The following NTN3 variants were observed in gnomAD, a reference collection of about 807,000 sequenced individuals.
NTN3 encodes the protein netrin-3.
A neutral mutation model predicts 37.2 loss-of-function variants in NTN3; 44 were observed. That is an observed-to-expected ratio of 1.18 (90% CI 0.93 to 1.52). The LOEUF is 1.52. Among genes scored for constraint, NTN3 ranks in the 40% most tolerant of loss-of-function variants. The pLI is 0.00. For missense variants in NTN3, 882 were observed against 857.3 expected, an observed-to-expected ratio of 1.03 and a Z score of -0.36; for synonymous variants, 385 against 376.0, an observed-to-expected ratio of 1.02 and a Z score of -0.28.
chr16:2,473,525 G>A (rs1210411468), intron 5 of NTN3, 22 bp downstream of exon 5: 3 of 1,606,760 alleles, frequency 1.9e-6, no homozygotes, highest in East Asian at 4.5e-5. Context: ...CAGGCCTCCC[G>A]CGGACCTTCC....
chr16:2,472,086 C>T lies in NTN3; in HGVS notation c.385C>T (p.Pro129Ser). The change falls in exon 1 of 6, where the codon CCA (proline) becomes TCA (serine). Residue 129 changes from proline to serine, a missense_variant. By Grantham distance (74) the Pro-to-Ser change is moderately conservative. Coordinates refer to ENST00000293973, the MANE Select transcript of NTN3 (RefSeq NM_006181.3). ...FVSLRFCSAPPASVALLKSQD... is the reference protein window; with the variant it reads ...FVSLRFCSAPSASVALLKSQD... ...GAGCCTGCGCTTCTGCTCAGCTCCC[C>T]CAGCCTCCGTGGCCCTGCTCAAGTC... is the stretch of plus-strand genomic sequence containing the variant. The T allele has an allele frequency of 2.5e-6, 4 of 1,606,518 alleles. No individual in the cohort carries two copies. The highest frequency in any genetic ancestry group is 3.4e-6 in the Non-Finnish European group (4 of 1,177,272).
Position 2,471,816 on chromosome 16 carries a change from G to C in NTN3, c.115G>C (p.Gly39Arg), listed in dbSNP as rs898116607. ...PCHDEGGAPRGCVPGLVNAAL... is the reference protein window; with the variant it reads ...PCHDEGGAPRRCVPGLVNAAL... The stretch of plus-strand genomic sequence containing the variant: ...CCACGATGAGGGGGGTGCGCCCCGC[G>C]GCTGCGTGCCAGGACTGGTGAACGC... The change falls in exon 1 of 6, where the codon GGC becomes CGC. Residue 39 changes from glycine to arginine, a missense_variant. Coordinates refer to ENST00000293973, the MANE Select transcript of NTN3 (RefSeq NM_006181.3). The C allele has an allele frequency of 7.2e-7, 1 of 1,391,570 alleles. No individual in the cohort carries two copies. The highest frequency in any genetic ancestry group is 9.2e-7 in the Non-Finnish European group (1 of 1,081,670). 86.2% of individuals were successfully genotyped at this position (1,391,570 alleles called of 1,614,324 possible). A position where few individuals can be genotyped will look rare whatever the true frequency, so the allele number is the denominator to read the frequency against.
rs942102439 is a variant in NTN3 at position 2,472,001 on chromosome 16, G to C, written c.300G>C (p.Arg100=). ...PLCWRSESLP[R]APLNVTLTVP... is the part of the protein sequence containing the mutation. ...GCTGGCGCTCGGAGTCCCTGCCTCGGGCGCCCCTCAACGTGACTCTCACGG... is the reference window on the plus strand; with the variant it reads ...GCTGGCGCTCGGAGTCCCTGCCTCGCGCGCCCCTCAACGTGACTCTCACGG... Residue 100 remains arginine, a synonymous_variant, in exon 1 of 6, where the codon CGG becomes CGC. Transcript: ENST00000293973. The C allele has an allele frequency of 6.2e-7, 1 of 1,603,514 alleles. No individual in the cohort carries two copies. The highest frequency in any genetic ancestry group is 8.5e-7 in the Non-Finnish European group (1 of 1,179,058).
At position 2,472,440 on chromosome 16, in the gene NTN3, A is replaced by G; in HGVS notation, c.739A>G (p.Thr247Ala). The change falls in exon 1 of 6, where the codon ACC becomes GCC. Residue 247 changes from threonine to alanine, a missense_variant. Thr to Ala is a moderately conservative substitution (Grantham distance 58). Coordinates refer to ENST00000293973, the MANE Select transcript of NTN3 (RefSeq NM_006181.3). ...EAVVPYSYAA[T>A]DLQVGGRCKC... Reference sequence around the variant, plus strand: ...CGTCGTCCCTTACTCCTACGCAGCCACCGACCTCCAGGTGGGCGGGCGCTG... The same window carrying G: ...CGTCGTCCCTTACTCCTACGCAGCCGCCGACCTCCAGGTGGGCGGGCGCTG... 1 of 1,596,656 alleles carries G rather than the reference A, an allele frequency of 6.3e-7. No homozygotes were observed. Among genetic ancestry groups the G allele is most frequent in the Non-Finnish European group, 8.6e-7 (1 of 1,164,576 alleles).
chr16:2,471,617 T>G lies in NTN3; in HGVS notation c.-85T>G. 9.3e-7 allele frequency: 1 copy of G among 1,070,134 alleles called. No homozygotes were observed. 66.3% of individuals were successfully genotyped at this position (1,070,134 alleles called of 1,614,324 possible). On this transcript the variant is annotated 5_prime_UTR_variant, in exon 1 of 6. Coordinates refer to ENST00000293973, the MANE Select transcript of NTN3 (RefSeq NM_006181.3). ...CTGTTCCTCGGCATTGCGGGCCTGG[T>G]GGGCAGAGCCGCGGAGAGGGCTTCT...
chr16:2,472,050 C>T lies in NTN3; in HGVS notation c.349C>T (p.Leu117=), dbSNP rs1208278860. 1.2e-6 allele frequency: 2 copies of T among 1,609,094 alleles called. No homozygotes were observed. The highest frequency in any genetic ancestry group is 8.5e-7 in the Non-Finnish European group (1 of 1,179,332). The part of the protein sequence containing the change: ...LTVPLGKAFE[L]VFVSLRFCSA... ...GGTGCCCCTGGGCAAGGCTTTTGAG[C>T]TGGTCTTCGTGAGCCTGCGCTTCTG... Residue 117 remains leucine (L), a synonymous_variant, in exon 1 of 6, where the codon CTG becomes TTG. Coordinates refer to ENST00000293973, the MANE Select transcript of NTN3 (RefSeq NM_006181.3).
chr16:2,471,709 G>A lies in NTN3; in HGVS notation c.8G>A (p.Gly3Asp). The A allele has an allele frequency of 2.2e-6, 3 of 1,346,028 alleles. No homozygotes were observed. The highest frequency in any genetic ancestry group is 3.9e-5 in the Admixed American group (1 of 25,456). 83.4% of individuals were successfully genotyped at this position (1,346,028 alleles called of 1,614,324 possible). The change falls in exon 1 of 6, where the codon GGC becomes GAC. Residue 3 changes from glycine to aspartate, a missense_variant. Physicochemically the swap from Gly to Asp is moderately conservative, Grantham distance 94 (BLOSUM62 -1). Transcript: ENST00000293973. MP[G>D]WPWGLLLTAG... ...CCCGCAGCGGCTCCGGCCATGCCTGGCTGGCCCTGGGGGCTGCTGCTGACG... is the reference window on the plus strand; with the variant it reads ...CCCGCAGCGGCTCCGGCCATGCCTGACTGGCCCTGGGGGCTGCTGCTGACG...
At position 2,472,436 on chromosome 16, in the gene NTN3, A is replaced by G; in HGVS notation, c.735A>G (p.Ala245=). The change falls in exon 1 of 6, where the codon GCA becomes GCG. Residue 245 remains alanine (A), a synonymous_variant. Coordinates refer to ENST00000293973, the MANE Select transcript of NTN3 (RefSeq NM_006181.3). ...DMEAVVPYSY[A]ATDLQVGGRC... is the part of the protein sequence containing the mutation. ...AGGCCGTCGTCCCTTACTCCTACGCAGCCACCGACCTCCAGGTGGGCGGGC... is the reference window on the plus strand; with the variant it reads ...AGGCCGTCGTCCCTTACTCCTACGCGGCCACCGACCTCCAGGTGGGCGGGC... 1.2e-6 allele frequency: 2 copies of G among 1,612,398 alleles called. No homozygotes were observed. Among genetic ancestry groups the G allele is most frequent in the Non-Finnish European group, 1.7e-6 (2 of 1,179,678 alleles).
At position 2,471,698 on chromosome 16, in the gene NTN3, G is replaced by T. The variant is rs891954945; in HGVS notation, c.-4G>T. On this transcript the variant is annotated 5_prime_UTR_variant, in exon 1 of 6. Coordinates refer to ENST00000293973, the MANE Select transcript of NTN3 (RefSeq NM_006181.3). ...CCACTGGCTGACCCGCAGCGGCTCC[G>T]GCCATGCCTGGCTGGCCCTGGGGGC... is the stretch of plus-strand genomic sequence containing the variant. 3.7e-6 allele frequency: 5 copies of T among 1,335,218 alleles called. No individual in the cohort carries two copies. The South Asian group carries it at 9.8e-5, about 26-fold the overall frequency. The allele number at this position is 1,335,218 out of a possible 1,614,324, so 82.7% of individuals were successfully genotyped here.
intron 2 of NTN3, 35 bp from the exon 3 acceptor site, chr16:2,472,950 G>C (rs770168237): frequency 1.3e-6 from 2 of 1,580,580 alleles, no homozygotes; most frequent in Admixed American, 1.7e-5. Flanking sequence ...CCCCAGACAG[G>C]CTTCTGACCA....
chr16:2,474,089 G>C lies in NTN3; in HGVS notation c.1727G>C (p.Arg576Pro), dbSNP rs2065542350. The change falls in exon 6 of 6, where the codon CGC becomes CCC. Residue 576 changes from arginine to proline, a missense_variant. Physicochemically the swap from Arg to Pro is moderately radical, Grantham distance 103. Transcript: ENST00000293973. ...CTGCAGCGACGCGAACGGCGGGGGC[G>C]CTGCAGCGCCGCCTGAGCCCGCCGG... ...RRLQRRERRG[R>P]CSAA The C allele has an allele frequency of 8.3e-7, 1 of 1,207,140 alleles. No individual in the cohort carries two copies. The highest frequency in any genetic ancestry group is 1.0e-6 in the Non-Finnish European group (1 of 971,642). 74.8% of individuals were successfully genotyped at this position (1,207,140 alleles called of 1,614,324 possible). A position where few individuals can be genotyped will look rare whatever the true frequency, so the allele number is the denominator to read the frequency against.
chr16:2,471,855 G>C lies in NTN3; in HGVS notation c.154G>C (p.Glu52Gln), dbSNP rs2065522642. The C allele has an allele frequency of 1.4e-6, 2 of 1,442,176 alleles. No homozygotes were observed. Among genetic ancestry groups the C allele is most frequent in the Non-Finnish European group, 1.8e-6 (2 of 1,098,180 alleles). 89.3% of individuals were successfully genotyped at this position (1,442,176 alleles called of 1,614,324 possible). Residue 52 changes from glutamate (E) to glutamine (Q), a missense_variant, in exon 1 of 6, where the codon GAG (glutamate) becomes CAG (glutamine). Glu to Gln is a conservative substitution (Grantham distance 29, BLOSUM62 2). Coordinates refer to ENST00000293973, the MANE Select transcript of NTN3 (RefSeq NM_006181.3). ...ACTGGTGAACGCCGCCCTGGGCCGC[G>C]AGGTGCTGGCTTCCAGCACGTGCGG... ...PGLVNAALGR[E>Q]VLASSTCGRP...
chr16:2,473,442 C>G lies in NTN3; in HGVS notation c.1332C>G (p.His444Gln). The G allele has an allele frequency of 6.2e-7, 1 of 1,613,052 alleles. No individual in the cohort carries two copies. Among genetic ancestry groups the G allele is most frequent in the Non-Finnish European group, 8.5e-7 (1 of 1,179,980 alleles). ...CCTTCTACCCAGACTGTGACTCGCACTGCAAACCTGCCCGTGGCAGCTACC... is the reference window on the plus strand; with the variant it reads ...CCTTCTACCCAGACTGTGACTCGCAGTGCAAACCTGCCCGTGGCAGCTACC... Reference protein sequence around the residue: ...SPVQPQDCDSHCKPARGSYRI... With the variant: ...SPVQPQDCDSQCKPARGSYRI... Residue 444 changes from histidine to glutamine, a missense_variant, in exon 5 of 6, where the codon CAC (histidine) becomes CAG (glutamine). By Grantham distance (24) the His-to-Gln change is conservative (BLOSUM62 0). Coordinates refer to ENST00000293973, the MANE Select transcript of NTN3 (RefSeq NM_006181.3).
In NTN3 at chr16:2,473,429, A is replaced by G. The variant is rs763189743; in HGVS notation, c.1319A>G (p.Asp440Gly). 2.5e-6 allele frequency: 4 copies of G among 1,612,776 alleles called. No homozygotes were observed. Among genetic ancestry groups the G allele is most frequent in the Non-Finnish European group, 3.4e-6 (4 of 1,179,950 alleles). The change falls in exon 5 of 6, where the codon GAC (aspartate) becomes GGC (glycine). Residue 440 changes from aspartate (D) to glycine (G), a missense_variant and splice_region_variant. Transcript: ENST00000293973. ...TEDSSPVQPQDCDSHCKPARG... is the reference protein window; with the variant it reads ...TEDSSPVQPQGCDSHCKPARG... ...TGCCAGCCTCCCACCTTCTACCCAG[A>G]CTGTGACTCGCACTGCAAACCTGCC...
chr16:2,471,915 C>T lies in NTN3; in HGVS notation c.214C>T (p.Pro72Ser). 6.5e-7 allele frequency: 1 copy of T among 1,539,282 alleles called. No individual in the cohort carries two copies. The highest frequency in any genetic ancestry group is 1.4e-5 in the African/African-American group (1 of 72,668). Residue 72 changes from proline to serine, a missense_variant, in exon 1 of 6, where the codon CCG becomes TCG. By Grantham distance (74) the Pro-to-Ser change is moderately conservative. Coordinates refer to ENST00000293973, the MANE Select transcript of NTN3 (RefSeq NM_006181.3). ...CACTCGGGCCTGCGACGCCTCCGAC[C>T]CGCGACGGGCACACTCCCCCGCCCT... Reference protein sequence around the residue: ...PATRACDASDPRRAHSPALLT... With the variant: ...PATRACDASDSRRAHSPALLT...
At position 2,472,573 on chromosome 16, in the gene NTN3, TCTA is replaced by T; in HGVS notation, c.875_877del (p.Tyr292del). On this transcript the variant is annotated inframe_deletion, in exon 1 of 6. Coordinates refer to ENST00000293973, the MANE Select transcript of NTN3 (RefSeq NM_006181.3). ...CCTGACTGCGGCCGCTGCAAGCCCT[TCTA>T]CTGCGACAGGCCATGGCAGCGGGCC... 1 of 1,602,170 alleles carries T rather than the reference TCTA, an allele frequency of 6.2e-7. No individual in the cohort carries two copies. Among genetic ancestry groups the T allele is most frequent in the Non-Finnish European group, 8.5e-7 (1 of 1,175,536 alleles).
Position 2,471,746 on chromosome 16 carries a change from C to T in NTN3, c.45C>T (p.Leu15=). 5 of 1,384,940 alleles carry T rather than the reference C, an allele frequency of 3.6e-6. No individual in the cohort carries two copies. Among genetic ancestry groups the T allele is most frequent in the Non-Finnish European group, 3.7e-6 (4 of 1,076,822 alleles). 85.8% of individuals were successfully genotyped at this position (1,384,940 alleles called of 1,614,324 possible). ...GGCTGCTGCTGACGGCAGGCACGCTCTTCGCCGCCCTGAGTCCTGGGCCGC... is the reference window on the plus strand; with the variant it reads ...GGCTGCTGCTGACGGCAGGCACGCTTTTCGCCGCCCTGAGTCCTGGGCCGC... ...PWGLLLTAGT[L]FAALSPGPPA... is the part of the protein sequence containing the mutation. Residue 15 remains leucine (L), a synonymous_variant, in exon 1 of 6, where the codon CTC becomes CTT. Transcript: ENST00000293973.
Position 2,472,358 on chromosome 16 carries a change from C to G in NTN3, c.657C>G (p.Asp219Glu). Residue 219 changes from aspartate to glutamate, a missense_variant, in exon 1 of 6, where the codon GAC becomes GAG. Coordinates refer to ENST00000293973, the MANE Select transcript of NTN3 (RefSeq NM_006181.3). ...TCCAAGACTGGGTGACCGCCACCGA[C>G]GTCCGTGTAGTGCTCACAAGGCCTA... ...PVLQDWVTATDVRVVLTRPST... is the reference protein window; with the variant it reads ...PVLQDWVTATEVRVVLTRPST... 6.2e-7 allele frequency: 1 copy of G among 1,612,252 alleles called. No individual in the cohort carries two copies. Among genetic ancestry groups the G allele is most frequent in the East Asian group, 2.2e-5 (1 of 44,862 alleles).
chr16:2,472,818 A>G lies in NTN3; in HGVS notation c.1046A>G (p.His349Arg). ...LNCRHNTAGR[H>R]CHYCREGFYR... ...TGCCGGCACAACACCGCCGGCCGCC[A>G]CTGCCACTACTGCCGGGAGGGCTTC... is the stretch of plus-strand genomic sequence containing the variant. Residue 349 changes from histidine (H) to arginine (R), a missense_variant, in exon 2 of 6, where the codon CAC (histidine) becomes CGC (arginine). By Grantham distance (29) the His-to-Arg change is conservative. Transcript: ENST00000293973. The G allele has an allele frequency of 6.2e-7, 1 of 1,608,572 alleles. No individual in the cohort carries two copies. Among genetic ancestry groups the G allele is most frequent in the Non-Finnish European group, 8.5e-7 (1 of 1,179,262 alleles).
Sources: allele counts gnomAD v4.1 joint callset, GRCh38; gene constraint gnomAD v4.1.1; transcripts MANE v1.5; gene names NCBI Gene and HGNC (gene_info 2026-07-23, HGNC 2026-07-21).